The following ETV6 variants were observed in gnomAD, a reference collection of about 807,000 sequenced individuals.
ETV6 encodes the protein transcription factor ETV6.
In ETV6, 16 loss-of-function variants were observed where a neutral mutation model predicts 51.1. That is an observed-to-expected ratio of 0.31 (90% CI 0.21 to 0.48). The LOEUF is 0.48. Among genes scored for constraint, ETV6 ranks in the 20% least tolerant of loss-of-function variants. The pLI, the probability that ETV6 is intolerant of heterozygous loss-of-function variation, is 0.99. For synonymous variants in ETV6, 240 were observed against 224.1 expected (o/e 1.07, Z -0.64); for missense variants, 458 against 594.8 (o/e 0.77, Z 2.39).
intron 1 of ETV6, among the ~76,000 whole-genome samples, chr12:11,671,162 A>G (rs558997364): frequency 6.6e-6 from 1 of 152,322 alleles, no homozygotes; most frequent in African/African-American, 2.4e-5. Flanking sequence ...TTAGGGTTCT[A>G]GCTTAAAACT....
intron 2 of ETV6, among the ~76,000 whole-genome samples, chr12:11,760,847 A>C (rs1945073603): frequency 6.6e-6 from 1 of 151,864 alleles, no homozygotes. Flanking sequence ...GTGTGGAAGA[A>C]GAAATAATGA....
chr12:11,889,486 T>C (rs1370024685), intron 7 of ETV6, among the ~76,000 whole-genome samples: 1 of 152,172 alleles, frequency 6.6e-6, no homozygotes, highest in East Asian at 1.9e-4. Context: ...ACAAGATGTT[T>C]GAGTGTTGAA....
intron 1 of ETV6, among the ~76,000 whole-genome samples, chr12:11,673,462 G>C (rs993077056): frequency 6.6e-6 from 1 of 152,170 alleles, no homozygotes; most frequent in Non-Finnish European, 1.5e-5. Flanking sequence ...AGGTATCTGA[G>C]GAGAGACCAT....
intron 1 of ETV6, among the ~76,000 whole-genome samples, chr12:11,701,244 CGTCCCCAGCTGAAACTCT>C (rs895823947): frequency 6.6e-6 from 1 of 152,094 alleles, no homozygotes; most frequent in Non-Finnish European, 1.5e-5. Flanking sequence ...ACTTTTACAT[CGTCCCCAGCTGAAACTCT>C]GTCCCCAGCA....
At chr12:11,678,325 G>C (rs1423861902) in intron 1 of ETV6, among the ~76,000 whole-genome samples, 2 of 152,174 alleles carry the variant, frequency 1.3e-5, no homozygotes, top group African/African-American at 4.8e-5. Flanking sequence ...ACCTCTTGAG[G>C]TCAGGAAGGA....
chr12:11,666,915 C>CA (rs2120672338), intron 1 of ETV6, among the ~76,000 whole-genome samples: 1 of 152,336 alleles, frequency 6.6e-6, no homozygotes, highest in South Asian at 2.1e-4. Context: ...CCTGTCTGTC[C>CA]ACTCAGGGCA....
chr12:11,768,866 G>A, intron 2 of ETV6: 1 of 457,758 alleles, frequency 2.2e-6, no homozygotes, highest in Non-Finnish European at 4.4e-6. Flanking sequence ...AAAGAAGGTG[G>A]CCAGCACCTG....
At chr12:11,726,020 C>T (rs1411083579) in intron 1 of ETV6, among the ~76,000 whole-genome samples, 1 of 152,228 alleles carries the variant, frequency 6.6e-6, no homozygotes, top group Non-Finnish European at 1.5e-5. Context: ...TCCCATCTGA[C>T]TCCCTCCAGT....
chr12:11,824,437 C>T (rs1465506609), intron 2 of ETV6, among the ~76,000 whole-genome samples: 1 of 152,200 alleles, frequency 6.6e-6, no homozygotes, highest in Non-Finnish European at 1.5e-5. Flanking sequence ...TGATGGCCAG[C>T]TTTCAGGATA....
intron 1 of ETV6, among the ~76,000 whole-genome samples, chr12:11,684,099 T>G (rs570703290): frequency 6.6e-6 from 1 of 152,274 alleles, no homozygotes; most frequent in South Asian, 2.1e-4. Context: ...TTCAAGGGAG[T>G]TGGCCCTGCA....
intron 1 of ETV6, among the ~76,000 whole-genome samples, chr12:11,751,622 A>G (rs1228993960): frequency 6.6e-6 from 1 of 152,236 alleles, no homozygotes; most frequent in African/African-American, 2.4e-5. Flanking sequence ...TAATTGATCT[A>G]ACAAACACTG....
chr12:11,798,930 A>G (rs1414681029), intron 2 of ETV6, among the ~76,000 whole-genome samples: 1 of 152,104 alleles, frequency 6.6e-6, no homozygotes, highest in Non-Finnish European at 1.5e-5. Context: ...TTTCCCTCCA[A>G]CCGTTGCTTG....
intron 2 of ETV6, among the ~76,000 whole-genome samples, chr12:11,791,131 TTAGAA>T (rs1364407079): frequency 1.3e-5 from 2 of 152,220 alleles, no homozygotes; most frequent in African/African-American, 4.8e-5. Flanking sequence ...TACTATGAGT[TTAGAA>T]TTCCGCTTTC....
intron 2 of ETV6, among the ~76,000 whole-genome samples, chr12:11,759,491 TA>T (rs1945052045): frequency 6.6e-6 from 1 of 152,210 alleles, no homozygotes; most frequent in African/African-American, 2.4e-5. Flanking sequence ...ACTGAAAGGT[TA>T]TAGCAGACTA....
At chr12:11,822,769 A>G (rs767281142) in intron 2 of ETV6, among the ~76,000 whole-genome samples, 1 of 152,238 alleles carries the variant, frequency 6.6e-6, no homozygotes, top group Non-Finnish European at 1.5e-5. Context: ...GGAAAGTGAT[A>G]GAATGTTTGA....
At chr12:11,844,437 C>T (rs1466665941) in intron 3 of ETV6, among the ~76,000 whole-genome samples, 1 of 152,128 alleles carries the variant, frequency 6.6e-6, no homozygotes, top group African/African-American at 2.4e-5. Flanking sequence ...TTCCAACCCA[C>T]CAGAACCTTT....
intron 1 of ETV6, among the ~76,000 whole-genome samples, chr12:11,731,057 G>A (rs1865586470): frequency 6.6e-6 from 1 of 152,182 alleles, no homozygotes; most frequent in South Asian, 2.1e-4. Flanking sequence ...GCCTTTTGTA[G>A]CACTGCTCTT....
intron 1 of ETV6, among the ~76,000 whole-genome samples, chr12:11,692,836 G>T (rs982641445): frequency 1.3e-5 from 2 of 152,100 alleles, no homozygotes; most frequent in African/African-American, 4.8e-5. Context: ...GATTGCCTGA[G>T]CCCAGGAGTT....
chr12:11,705,626 A>G (rs746391463), intron 1 of ETV6, among the ~76,000 whole-genome samples: 2 of 152,262 alleles, frequency 1.3e-5, no homozygotes, highest in Non-Finnish European at 2.9e-5. Context: ...GACTTAATAC[A>G]TTAACATATT....
Sources: allele counts gnomAD v4.1 joint callset (sites outside exome capture counted in the v4.1 genomes callset), GRCh38; gene constraint gnomAD v4.1.1; transcripts MANE v1.5; gene names NCBI Gene and HGNC (gene_info 2026-07-23, HGNC 2026-07-21).